Variants in UGP2 observed in about 807,000 individuals in gnomAD.
The protein encoded by UGP2 is UDP-glucose pyrophosphorylase 2.
Under a neutral mutation model 49.0 loss-of-function variants are expected in UGP2, and 40 were observed. The observed-to-expected ratio is 0.82, with a 90% CI of 0.63 to 1.06. The LOEUF is 1.06. Ranked by LOEUF, UGP2 falls within the 50% of genes least tolerant of loss-of-function variation. The pLI is 0.00. For synonymous variants in UGP2, 225 were observed against 213.0 expected, an observed-to-expected ratio of 1.06 and a Z score of -0.49; for missense variants, 460 against 603.5, an observed-to-expected ratio of 0.76 and a Z score of 2.49.
chr2:63,889,969 A>T (rs551410357), intron 8 of UGP2, 112 bp from the exon 9 acceptor site: 1 of 767,478 alleles, frequency 1.3e-6, no homozygotes, highest in Non-Finnish European at 2.2e-6. Flanking sequence ...AGAGGACCTG[A>T]GCTTTGCCAA....
chr2:63,858,009 A>G, intron 3 of UGP2, 73 bp downstream of exon 3: 1 of 1,352,824 alleles, frequency 7.4e-7, no homozygotes, highest in African/African-American at 1.5e-5. Context: ...ACGGTTGGGT[A>G]GTGTAGGGGA....
At chr2:63,872,479 C>T (rs747314195) in intron 3 of UGP2, among the ~76,000 whole-genome samples, 72 of 152,240 alleles carry the variant, frequency 4.7e-4, no homozygotes, top group Middle Eastern at 3.4e-3. Context: ...TCTCATTTAT[C>T]TTCATAACGA....
intron 8 of UGP2, 156 bp downstream of exon 8, chr2:63,887,800 G>C: frequency 1.0e-6 from 1 of 992,252 alleles, no homozygotes; most frequent in East Asian, 2.7e-5. Flanking sequence ...GACCATAGAA[G>C]ATAAATATTT....
chr2:63,858,526 A>T (rs1344969297), intron 3 of UGP2, among the ~76,000 whole-genome samples: 1 of 146,842 alleles, frequency 6.8e-6, no homozygotes, highest in East Asian at 2.0e-4. Flanking sequence ...TTCTCACTAT[A>T]AAAAAAAAAG....
At chr2:63,887,685 T>C in intron 8 of UGP2, 41 bp downstream of exon 8, 1 of 1,603,762 alleles carries the variant, frequency 6.2e-7, no homozygotes, top group Non-Finnish European at 8.5e-7. Context: ...ATTTCTTAAA[T>C]GTGTAATTAT....
intron 3 of UGP2, among the ~76,000 whole-genome samples, chr2:63,859,453 G>C (rs964982829): frequency 3.3e-5 from 5 of 152,072 alleles, no homozygotes; most frequent in South Asian, 2.1e-4. Flanking sequence ...TTTCAGTGGA[G>C]AAATCTATCT....
chr2:63,862,451 C>T (rs990936777), intron 3 of UGP2, among the ~76,000 whole-genome samples: 9 of 152,088 alleles, frequency 5.9e-5, no homozygotes, highest in Non-Finnish European at 7.4e-5. Context: ...CACATTCCTT[C>T]GTGTACAGGA....
At chr2:63,859,370 G>A (rs1327309545) in intron 3 of UGP2, among the ~76,000 whole-genome samples, 1 of 152,080 alleles carries the variant, frequency 6.6e-6, no homozygotes, top group Non-Finnish European at 1.5e-5. Context: ...ACTTTTCGGA[G>A]ACAGAGCCTA....
chr2:63,851,818 CA>C (rs1316811029), intron 1 of UGP2, among the ~76,000 whole-genome samples: 3 of 152,146 alleles, frequency 2.0e-5, no homozygotes, highest in Non-Finnish European at 2.9e-5. Flanking sequence ...TAATTCAGTA[CA>C]AAAGCTTATC....
chr2:63,847,419 A>T (rs1672006484), intron 1 of UGP2, among the ~76,000 whole-genome samples: 1 of 152,208 alleles, frequency 6.6e-6, no homozygotes, highest in Non-Finnish European at 1.5e-5. Context: ...AAAGAAATAT[A>T]CTGTAGTTTC....
chr2:63,855,254 C>T (rs988579362), intron 1 of UGP2, among the ~76,000 whole-genome samples: 1 of 151,964 alleles, frequency 6.6e-6, no homozygotes, highest in Non-Finnish European at 1.5e-5. Flanking sequence ...GAGTTTTTAG[C>T]CTTACTGAAA....
chr2:63,843,945 G>T (rs116050792), intron 1 of UGP2, among the ~76,000 whole-genome samples: 1,863 of 152,194 alleles, frequency 0.012, 17 homozygotes, highest in Non-Finnish European at 0.014. Flanking sequence ...AGTACAGTGG[G>T]TATTCACAGG....
At chr2:63,857,545 T>G in intron 2 of UGP2, 1 of 470,562 alleles carries the variant, frequency 2.1e-6, no homozygotes, top group South Asian at 1.6e-5. Flanking sequence ...GTATTTTTTT[T>G]GTAGACACCG....
chr2:63,877,721 C>T (rs1233651441), intron 3 of UGP2, among the ~76,000 whole-genome samples: 20 of 151,812 alleles, frequency 1.3e-4, no homozygotes, highest in African/African-American at 4.1e-4. Flanking sequence ...CGGCCGGGCG[C>T]GGTGGCTCAC....
intron 7 of UGP2, among the ~76,000 whole-genome samples, chr2:63,886,741 C>G (rs1671701851): frequency 6.6e-6 from 1 of 152,092 alleles, no homozygotes; most frequent in Non-Finnish European, 1.5e-5. Context: ...CTATATTTGA[C>G]CCTGGGTTGT....
intron 9 of UGP2, among the ~76,000 whole-genome samples, chr2:63,890,642 C>T (rs973335411): frequency 4.6e-5 from 7 of 152,130 alleles, no homozygotes; most frequent in African/African-American, 1.7e-4. Flanking sequence ...AAGCTACTTA[C>T]TTAAATGAAG....
At chr2:63,857,995 T>C (rs2104283417) in intron 3 of UGP2, 59 bp downstream of exon 3, 1 of 1,531,198 alleles carries the variant, frequency 6.5e-7, no homozygotes, top group South Asian at 1.1e-5. Context: ...GGTTTTAACT[T>C]AGGACGGTTG....
At chr2:63,842,694 G>A (rs1211417117) in intron 1 of UGP2, 2 of 1,190,364 alleles carry the variant, frequency 1.7e-6, no homozygotes, top group African/African-American at 1.5e-5. Context: ...CACTTATTGC[G>A]AAACTGGGAG....
At chr2:63,890,293 C>T (rs1232768305) in intron 9 of UGP2, 108 bp downstream of exon 9, 5 of 713,552 alleles carry the variant, frequency 7.0e-6, no homozygotes, top group East Asian at 5.7e-5. Flanking sequence ...GTCTTAGTGC[C>T]ACCTTAATTA....
Sources: allele counts gnomAD v4.1 joint callset (sites outside exome capture counted in the v4.1 genomes callset), GRCh38; gene constraint gnomAD v4.1.1; transcripts MANE v1.5; gene names NCBI Gene and HGNC (gene_info 2026-07-23, HGNC 2026-07-21).